THSD7B: variants seen among roughly 807,000 people sequenced by gnomAD.
THSD7B encodes the protein thrombospondin type 1 domain containing 7B.
Under a neutral mutation model 213.6 loss-of-function variants are expected in THSD7B, and 138 were observed. That is an observed-to-expected ratio of 0.65 (90% CI 0.56 to 0.74). The LOEUF (loss-of-function observed/expected upper bound fraction) is 0.74, where lower values mean the gene tolerates loss of function less well. Ranked by LOEUF, THSD7B falls within the 30% of genes least tolerant of loss-of-function variation. The pLI is 0.00. For synonymous variants in THSD7B, 742 were observed against 687.0 expected (o/e 1.08, Z -1.25); for missense variants, 1,931 against 1,991.5 (o/e 0.97, Z 0.58).
At chr2:137,481,338 G>A (rs1277255623) in intron 15 of THSD7B, among the ~76,000 whole-genome samples, 1 of 152,046 alleles carries the variant, frequency 6.6e-6, no homozygotes, top group Non-Finnish European at 1.5e-5. Flanking sequence ...CAGAAATATC[G>A]GGTTTTGATG....
chr2:136,978,606 AC>A (rs1305707055), intron 2 of THSD7B, among the ~76,000 whole-genome samples: 13 of 151,070 alleles, frequency 8.6e-5, no homozygotes, highest in Admixed American at 8.6e-4. Flanking sequence ...TAGGATTGCA[AC>A]CCCTGCTTTT....
chr2:136,901,013 A>G (rs995393581), intron 2 of THSD7B, among the ~76,000 whole-genome samples: 7 of 152,244 alleles, frequency 4.6e-5, no homozygotes, highest in African/African-American at 1.7e-4. Flanking sequence ...TGATACTTGG[A>G]AAACTATCTT....
intron 2 of THSD7B, among the ~76,000 whole-genome samples, chr2:136,898,576 C>CCCT (rs1684005532): frequency 9.0e-6 from 1 of 110,972 alleles, no homozygotes; most frequent in African/African-American, 2.8e-5. Flanking sequence ...CCCTTGTCCC[C>CCCT]CCGCCCCCCC....
chr2:137,176,344 T>A (rs1417766823), intron 7 of THSD7B, among the ~76,000 whole-genome samples: 1 of 152,200 alleles, frequency 6.6e-6, no homozygotes, highest in Non-Finnish European at 1.5e-5. Context: ...AGTAATCAGA[T>A]TTTTCTTTTT....
At chr2:137,248,062 A>G (rs937694117) in intron 10 of THSD7B, among the ~76,000 whole-genome samples, 8 of 152,158 alleles carry the variant, frequency 5.3e-5, no homozygotes, top group African/African-American at 1.9e-4. Flanking sequence ...CCCAGCTCAA[A>G]CCAATCAGAA....
intron 21 of THSD7B, among the ~76,000 whole-genome samples, chr2:137,650,905 T>A (rs1676244022): frequency 6.6e-6 from 1 of 152,226 alleles, no homozygotes; most frequent in Admixed American, 6.5e-5. Flanking sequence ...GTACCATCCT[T>A]ACATTCCTGA....
chr2:136,958,156 G>A lies in THSD7B; in HGVS notation c.139+75839G>A, dbSNP rs551058488. 8.8e-4 allele frequency among the ~76,000 whole-genome samples: 134 copies of A among 152,224 alleles called. 2 individuals carry two copies. The South Asian group carries it at 0.027, about 31-fold the overall frequency. On this transcript the variant is annotated intron_variant, in intron 2 of 27. Transcript: ENST00000409968. ...ATGAGGATATAAGGAGAGATAGGAA[G>A]GACTTTTTGAAGCTTATCAAAATGC...
At chr2:137,446,322 G>C (rs536996805) in intron 14 of THSD7B, among the ~76,000 whole-genome samples, 3 of 151,978 alleles carry the variant, frequency 2.0e-5, no homozygotes, top group African/African-American at 7.2e-5. Flanking sequence ...CACCTTATTC[G>C]GAGAACTGTG....
chr2:137,123,076 C>T (rs1314046081), intron 5 of THSD7B, among the ~76,000 whole-genome samples: 2 of 152,164 alleles, frequency 1.3e-5, no homozygotes. Flanking sequence ...TGAACCTTCT[C>T]ACCCTCCTTT....
In THSD7B at chr2:136,898,586, C is replaced by T. The variant is rs1443859962; in HGVS notation, c.139+16269C>T. ...AGCTCCCCTTGTCCCCCCGCCCCCC[C>T]GCCAAAAGAGCTCACAGTATGTTAA... On this transcript the variant is annotated intron_variant, in intron 2 of 27. Transcript: ENST00000409968. 2.0e-4 allele frequency among the ~76,000 whole-genome samples: 29 copies of T among 144,280 alleles called. 1 individual carries two copies. Among genetic ancestry groups the T allele is most frequent in the Admixed American group, 6.9e-5 (1 of 14,562 alleles). 94.7% of individuals were successfully genotyped at this position (144,280 alleles called of 152,430 possible).
At chr2:137,273,004 C>CACACA (rs1553434138) in intron 11 of THSD7B, among the ~76,000 whole-genome samples, 3,934 of 145,226 alleles carry the variant, frequency 0.027, 105 homozygotes, top group Middle Eastern at 0.094. Flanking sequence ...GAAATACACA[C>CACACA]CACACACACG....
chr2:137,447,021 C>A (rs1295529299), intron 14 of THSD7B, among the ~76,000 whole-genome samples: 3 of 152,036 alleles, frequency 2.0e-5, no homozygotes. Flanking sequence ...TAAGAATATG[C>A]AAGTATTAAT....
intron 15 of THSD7B, among the ~76,000 whole-genome samples, chr2:137,495,846 T>G (rs982696649): frequency 1.3e-5 from 2 of 152,170 alleles, no homozygotes; most frequent in Non-Finnish European, 2.9e-5. Flanking sequence ...AATGACATAT[T>G]CTGCCAAAAC....
In THSD7B at chr2:137,337,268, G is replaced by A. The variant is rs75342760; in HGVS notation, c.2500+61242G>A. The stretch of plus-strand genomic sequence containing the variant: ...ATCCCACATTGCATTTAGTTGTCAT[G>A]CATTCTTAGTTTTCCCCAGTCTGGG... On this transcript the variant is annotated intron_variant, in intron 12 of 27. Transcript: ENST00000409968. Among the ~76,000 whole-genome samples, 1,008 of 152,002 alleles carry A rather than the reference G, an allele frequency of 6.6e-3. 10 individuals carry two copies. Among genetic ancestry groups the A allele is most frequent in the African/African-American group, 0.023 (970 of 41,470 alleles).
intron 1 of THSD7B, among the ~76,000 whole-genome samples, chr2:136,766,693 A>G (rs890613951): frequency 1.3e-5 from 2 of 152,190 alleles, no homozygotes; most frequent in East Asian, 1.9e-4. Flanking sequence ...AGAGCTTCCC[A>G]TAAGAGGTAT....
intron 15 of THSD7B, among the ~76,000 whole-genome samples, chr2:137,538,808 T>C (rs1232254726): frequency 6.6e-6 from 1 of 151,668 alleles, no homozygotes; most frequent in Non-Finnish European, 1.5e-5. Flanking sequence ...ATCAGCATAA[T>C]ATAATAGGCT....
intron 22 of THSD7B, among the ~76,000 whole-genome samples, 156 bp downstream of exon 22, chr2:137,655,816 G>A (rs1035040046): frequency 4.6e-5 from 7 of 152,000 alleles, no homozygotes; most frequent in African/African-American, 1.4e-4. Flanking sequence ...ATATACCTAC[G>A]GCTTTGATGG....
intron 7 of THSD7B, among the ~76,000 whole-genome samples, chr2:137,215,229 C>A (rs893767932): frequency 6.6e-6 from 1 of 152,112 alleles, no homozygotes. Flanking sequence ...CAAATGTTTT[C>A]TTTTGAGAAA....
chr2:137,231,389 A>G (rs1367905408), intron 8 of THSD7B, among the ~76,000 whole-genome samples, 154 bp downstream of exon 8: 1 of 152,176 alleles, frequency 6.6e-6, no homozygotes, highest in Non-Finnish European at 1.5e-5. Context: ...ATTTCCCTCC[A>G]TGCTTTTTGC....
Sources: gnomAD v4.1 joint callset for allele counts (sites outside exome capture counted in the v4.1 genomes callset) on GRCh38, gnomAD v4.1.1 for gene constraint, MANE v1.5 for transcripts, NCBI Gene and HGNC (gene_info 2026-07-23, HGNC 2026-07-21) for gene names.